Variants in MATN2 observed in about 807,000 individuals in gnomAD.
MATN2 encodes the protein matrilin 2.
A neutral mutation model predicts 103.2 loss-of-function variants in MATN2; 69 were observed. That is an observed-to-expected ratio of 0.67 (90% CI 0.55 to 0.82). The LOEUF (loss-of-function observed/expected upper bound fraction) is 0.82, where lower values mean the gene tolerates loss of function less well. MATN2 is among the 40% of genes least tolerant of loss of function. The probability of loss-of-function intolerance (pLI) is 0.00; values close to 1 mark genes in which losing one functional copy is unlikely to be tolerated. For synonymous variants in MATN2, 429 were observed against 450.2 expected (o/e 0.95, Z 0.60); for missense variants, 1,023 against 1,211.5 (o/e 0.84, Z 2.31).
chr8:97,894,288 A>G lies in MATN2; in HGVS notation c.142+6046A>G, dbSNP rs184273911. On this transcript the variant is annotated intron_variant, in intron 2 of 18. Transcript: ENST00000254898. ...ATTTACTCATAACAGTTAATTTACT[A>G]CTTAAAAACTAATGAAGAAAATCTA... Among the ~76,000 whole-genome samples the G allele has an allele frequency of 1.7e-3, 250 of 149,188 alleles. 1 individual carries two copies. The highest frequency in any genetic ancestry group is 5.5e-3 in the African/African-American group (224 of 40,376).
chr8:97,947,465 C>G (rs941156455), intron 4 of MATN2, among the ~76,000 whole-genome samples: 6 of 152,166 alleles, frequency 3.9e-5, no homozygotes, highest in Non-Finnish European at 8.8e-5. Flanking sequence ...CATTGTATTT[C>G]TGTACACTGG....
chr8:98,029,583 T>C (rs1371830574), intron 14 of MATN2, among the ~76,000 whole-genome samples: 2 of 152,224 alleles, frequency 1.3e-5, no homozygotes, highest in African/African-American at 4.8e-5. Context: ...TTTTAGGAAG[T>C]CGTGCATAAA....
At chr8:97,999,961 A>G (rs981771100) in intron 7 of MATN2, among the ~76,000 whole-genome samples, 21 of 150,582 alleles carry the variant, frequency 1.4e-4, no homozygotes, top group Admixed American at 1.4e-3. Context: ...GCTCACTGCA[A>G]CCTCCATCTC....
chr8:97,966,061 G>A (rs139434893), intron 5 of MATN2, among the ~76,000 whole-genome samples: 1,639 of 152,262 alleles, frequency 0.011, 27 homozygotes, highest in African/African-American at 0.037. Flanking sequence ...GGCTGAGGTA[G>A]GAGGATTGCT....
At chr8:97,920,663 G>A (rs1007131421) in intron 2 of MATN2, among the ~76,000 whole-genome samples, 1 of 152,170 alleles carries the variant, frequency 6.6e-6, no homozygotes, top group Non-Finnish European at 1.5e-5. Flanking sequence ...CCATTGATGA[G>A]ATGACTGGGG....
chr8:97,975,780 C>T (rs1457566324), intron 5 of MATN2, among the ~76,000 whole-genome samples: 1 of 152,162 alleles, frequency 6.6e-6, no homozygotes, highest in Non-Finnish European at 1.5e-5. Flanking sequence ...CTAACACGGG[C>T]CCAAGCAGGC....
chr8:97,876,447 C>A (rs2129933278), intron 1 of MATN2, among the ~76,000 whole-genome samples: 1 of 152,134 alleles, frequency 6.6e-6, no homozygotes, highest in East Asian at 1.9e-4. Context: ...CCTTGGCCTC[C>A]CAAAGTGCTG....
At chr8:97,994,419 G>A (rs564509705) in intron 6 of MATN2, 61 bp from the exon 7 acceptor site, 66 of 1,547,810 alleles carry the variant, frequency 4.3e-5, no homozygotes, top group Non-Finnish European at 5.7e-5. Context: ...GAAATCCCTG[G>A]TTTTCCTATG....
chr8:98,016,482 C>T, intron 10 of MATN2, 58 bp from the exon 11 acceptor site: 1 of 1,471,270 alleles, frequency 6.8e-7, no homozygotes, highest in Non-Finnish European at 9.3e-7. Flanking sequence ...ATTGAATAAG[C>T]CACTAATATA....
At chr8:97,895,727 C>G (rs1818787081) in intron 2 of MATN2, among the ~76,000 whole-genome samples, 1 of 152,162 alleles carries the variant, frequency 6.6e-6, no homozygotes, top group Non-Finnish European at 1.5e-5. Context: ...TTTACTGAGC[C>G]CCTGCTGTGG....
Position 98,021,226 on chromosome 8 carries a change from C to A in MATN2, c.1841C>A (p.Thr614Asn). ...TCAGGGAAGGATGTCTGCAAATCAA[C>A]CCACCATGGCTGCGAACACATTTGT... is the stretch of plus-strand genomic sequence containing the variant. The part of the protein sequence containing the change: ...RCRRKDVCKS[T>N]HHGCEHICVN... The change falls in exon 13 of 19, where the codon ACC becomes AAC. Residue 614 changes from threonine to asparagine, a missense_variant. Thr to Asn is a moderately conservative substitution (Grantham distance 65). Transcript: ENST00000254898. The A allele has an allele frequency of 6.2e-7, 1 of 1,613,568 alleles. No individual in the cohort carries two copies. Among genetic ancestry groups the A allele is most frequent in the Non-Finnish European group, 8.5e-7 (1 of 1,179,568 alleles).
chr8:98,012,281 C>T (rs192845195), intron 10 of MATN2, among the ~76,000 whole-genome samples: 59 of 152,172 alleles, frequency 3.9e-4, no homozygotes, highest in Non-Finnish European at 7.4e-5. Flanking sequence ...TAAAGCTTCT[C>T]GGGGAAGAAG....
At chr8:98,033,018 T>C (rs771211034) in intron 16 of MATN2, 24 bp from the exon 17 acceptor site, 26 of 1,594,190 alleles carry the variant, frequency 1.6e-5, no homozygotes, top group African/African-American at 8.1e-5. Flanking sequence ...GCAGGTTTGA[T>C]TGCAGTTTTC....
At chr8:97,965,845 G>A (rs146259404) in intron 5 of MATN2, among the ~76,000 whole-genome samples, 13 of 152,214 alleles carry the variant, frequency 8.5e-5, no homozygotes, top group African/African-American at 3.1e-4. Context: ...TTAGTCAGGC[G>A]TGGTGGCAGT....
At chr8:97,998,067 T>A (rs1165270639) in intron 7 of MATN2, among the ~76,000 whole-genome samples, 1 of 150,718 alleles carries the variant, frequency 6.6e-6, no homozygotes, top group East Asian at 2.0e-4. Context: ...TGATTCTCCC[T>A]CCTCAGTCTC....
rs770193193 is a variant in MATN2 at position 97,994,477 on chromosome 8, C to T, written c.1082-3C>T. 1.3e-6 allele frequency: 2 copies of T among 1,598,680 alleles called. No individual in the cohort carries two copies. The highest frequency in any genetic ancestry group is 1.7e-6 in the Non-Finnish European group (2 of 1,174,918). On this transcript the variant is annotated splice_polypyrimidine_tract_variant and splice_region_variant and intron_variant, in intron 6 of 18. Coordinates refer to ENST00000254898, the MANE Select transcript of MATN2 (RefSeq NM_002380.5). Reference sequence around the variant, plus strand: ...CATTCTTGTGATTTTTCCTTCTTGCCAGAGATAGACTACTGTGCCTCATCT... The same window carrying T: ...CATTCTTGTGATTTTTCCTTCTTGCTAGAGATAGACTACTGTGCCTCATCT...
chr8:98,014,222 G>A (rs1180493557), intron 10 of MATN2, among the ~76,000 whole-genome samples: 1 of 152,114 alleles, frequency 6.6e-6, no homozygotes, highest in Non-Finnish European at 1.5e-5. Context: ...TGACAAGGTT[G>A]ACGTGAAAGA....
intron 5 of MATN2, among the ~76,000 whole-genome samples, chr8:97,974,592 G>A (rs947835903): frequency 2.6e-5 from 4 of 151,536 alleles, no homozygotes; most frequent in South Asian, 2.1e-4. Context: ...GATTACAGGC[G>A]CCTGCCACCA....
intron 4 of MATN2, among the ~76,000 whole-genome samples, chr8:97,955,056 A>G (rs1467659393): frequency 6.6e-6 from 1 of 152,190 alleles, no homozygotes; most frequent in Non-Finnish European, 1.5e-5. Flanking sequence ...CAAAGGTCCC[A>G]AGACATGAAG....
Sources: gnomAD v4.1 joint callset for allele counts (sites outside exome capture counted in the v4.1 genomes callset) on GRCh38, gnomAD v4.1.1 for gene constraint, MANE v1.5 for transcripts, NCBI Gene and HGNC (gene_info 2026-07-23, HGNC 2026-07-21) for gene names.